JARID2: variants seen among roughly 807,000 people sequenced by gnomAD.
JARID2 encodes the protein protein Jumonji.
A neutral mutation model predicts 125.6 loss-of-function variants in JARID2; 21 were observed. That is an observed-to-expected ratio of 0.17 (90% CI 0.12 to 0.24). The LOEUF (loss-of-function observed/expected upper bound fraction) is 0.24. JARID2 is among the 10% of genes least tolerant of loss of function. The pLI, the probability that JARID2 is intolerant of heterozygous loss-of-function variation, is 1.00. For missense variants in JARID2, 1,303 were observed against 1,639.6 expected, an observed-to-expected ratio of 0.79 and a Z score of 3.55; for synonymous variants, 736 against 661.6, an observed-to-expected ratio of 1.11 and a Z score of -1.73.
At chr6:15,396,091 G>A (rs965120854) in intron 2 of JARID2, among the ~76,000 whole-genome samples, 7 of 152,196 alleles carry the variant, frequency 4.6e-5, no homozygotes, top group African/African-American at 1.7e-4. Flanking sequence ...GAAAAAGGTT[G>A]ATCATGTTGT....
intron 1 of JARID2, among the ~76,000 whole-genome samples, chr6:15,261,203 A>G (rs1367195067): frequency 6.6e-6 from 1 of 152,172 alleles, no homozygotes; most frequent in Non-Finnish European, 1.5e-5. Context: ...AGGTCATCCC[A>G]ATAAAGAAAG....
In JARID2 at chr6:15,246,222, G is replaced by A. The variant is rs778838387; in HGVS notation, c.-318G>A. 5.7e-5 allele frequency: 27 copies of A among 471,736 alleles called. No individual in the cohort carries two copies. The highest frequency in any genetic ancestry group is 9.3e-5 in the Non-Finnish European group (25 of 269,868). 29.2% of individuals were successfully genotyped at this position (471,736 alleles called of 1,614,324 possible). A position where few individuals can be genotyped will look rare whatever the true frequency, so the allele number is the denominator to read the frequency against. On this transcript the variant is annotated 5_prime_UTR_variant, in exon 1 of 18. Coordinates refer to ENST00000341776, the MANE Select transcript of JARID2 (RefSeq NM_004973.4). ...TGATGTAGTTTTTGGAGGAAAAAGG[G>A]GGGGGAGTGAAGGGCGTCGGTTTTT...
chr6:15,460,505 T>C (rs1693697413), intron 4 of JARID2, among the ~76,000 whole-genome samples: 1 of 152,234 alleles, frequency 6.6e-6, no homozygotes, highest in Non-Finnish European at 1.5e-5. Context: ...ATGGCAGTGC[T>C]GTTTTGTTGG....
chr6:15,248,854 T>TGGGCGG (rs1279787085), intron 1 of JARID2: 107 of 887,598 alleles, frequency 1.2e-4, no homozygotes, highest in Admixed American at 2.0e-4. Flanking sequence ...AGGAGGGAGC[T>TGGGCGG]GGGCGGGGGC....
intron 1 of JARID2, chr6:15,324,222 T>TTTTTTGTA (rs1762458146): frequency 6.6e-6 from 1 of 152,084 alleles, no homozygotes; most frequent in Non-Finnish European, 1.5e-5. Flanking sequence ...AAAATCCTTT[T>TTTTTTGTA]TGATTTGTAT....
At chr6:15,504,829 C>T (rs548746300) in intron 9 of JARID2, among the ~76,000 whole-genome samples, 9 of 152,286 alleles carry the variant, frequency 5.9e-5, no homozygotes, top group African/African-American at 2.2e-4. Context: ...CTGCCGAGTG[C>T]AGGGGACGGG....
intron 3 of JARID2, among the ~76,000 whole-genome samples, chr6:15,423,062 C>T (rs535421846): frequency 5.4e-5 from 8 of 149,232 alleles, no homozygotes; most frequent in African/African-American, 1.5e-4. Context: ...TGCAGTGTTA[C>T]GATATCGGCA....
intron 4 of JARID2, among the ~76,000 whole-genome samples, chr6:15,465,280 C>CT (rs1768662908): frequency 1.3e-5 from 2 of 152,122 alleles, no homozygotes; most frequent in African/African-American, 4.8e-5. Context: ...TAGCGAGATC[C>CT]CGTTCCTACA....
chr6:15,282,925 C>G (rs1223718099), intron 1 of JARID2, among the ~76,000 whole-genome samples: 2 of 150,954 alleles, frequency 1.3e-5, no homozygotes, highest in Admixed American at 1.3e-4. Flanking sequence ...TTTCTTATGA[C>G]TTTTTGTCAG....
At chr6:15,254,821 C>G (rs1430183153) in intron 1 of JARID2, among the ~76,000 whole-genome samples, 5 of 152,076 alleles carry the variant, frequency 3.3e-5, no homozygotes, top group Non-Finnish European at 7.4e-5. Context: ...GAGCGGATCA[C>G]TTCAGGTCAG....
chr6:15,460,731 C>T (rs1243439280), intron 4 of JARID2, among the ~76,000 whole-genome samples: 2 of 152,218 alleles, frequency 1.3e-5, no homozygotes, highest in South Asian at 2.1e-4. Flanking sequence ...GACGAAGTCT[C>T]CCACCCTGTG....
rs549055979 is a variant in JARID2, at chr6:15,330,858, T to G, written c.46-43259T>G. ...TCCTTCCATTCTTCACTTTCCTGTC[T>G]TGGGGAGACAGAATACTTCAAAGTA... On this transcript the variant is annotated intron_variant, in intron 1 of 17. Coordinates refer to ENST00000341776, the MANE Select transcript of JARID2 (RefSeq NM_004973.4). Among the ~76,000 whole-genome samples, 5 of 152,312 alleles carry G rather than the reference T, an allele frequency of 3.3e-5. No homozygotes were observed. In the South Asian group the frequency reaches 8.3e-4, roughly 25 times the overall value.
At chr6:15,331,685 G>A (rs906378694) in intron 1 of JARID2, among the ~76,000 whole-genome samples, 22 of 152,170 alleles carry the variant, frequency 1.4e-4, no homozygotes, top group Non-Finnish European at 2.9e-4. Flanking sequence ...GACCAACATG[G>A]AGAAACCCCG....
In JARID2 at chr6:15,410,372, A is replaced by T; in HGVS notation, c.323+7A>T. 6.2e-7 allele frequency: 1 copy of T among 1,613,094 alleles called. No homozygotes were observed. Among genetic ancestry groups the T allele is most frequent in the South Asian group, 1.1e-5 (1 of 91,054 alleles). On this transcript the variant is annotated splice_region_variant and intron_variant, in intron 3 of 17. Coordinates refer to ENST00000341776, the MANE Select transcript of JARID2 (RefSeq NM_004973.4). Reference sequence around the variant, plus strand: ...AAGGGCCGTCGAGGAAAAGGTTAGTACCCAAGGCTGAAAATATTGGTACCT... The same window carrying T: ...AAGGGCCGTCGAGGAAAAGGTTAGTTCCCAAGGCTGAAAATATTGGTACCT...
chr6:15,389,034 T>G (rs1764901847), intron 2 of JARID2, among the ~76,000 whole-genome samples: 1 of 152,192 alleles, frequency 6.6e-6, no homozygotes, highest in Non-Finnish European at 1.5e-5. Context: ...CCAGGCTAGC[T>G]TCTGGTGGTC....
At chr6:15,325,126 T>C (rs1762495769) in intron 1 of JARID2, among the ~76,000 whole-genome samples, 1 of 152,204 alleles carries the variant, frequency 6.6e-6, no homozygotes, top group African/African-American at 2.4e-5. Flanking sequence ...CTTTACTTCC[T>C]CTTCAAACAT....
At chr6:15,410,077 A>T in intron 2 of JARID2, 147 bp from the exon 3 acceptor site, 1 of 637,904 alleles carries the variant, frequency 1.6e-6, no homozygotes, top group Non-Finnish European at 2.5e-6. Context: ...GCTTTTCTCC[A>T]CCCATTCAAA....
intron 12 of JARID2, chr6:15,508,979 A>G (rs1173772591): frequency 2.3e-6 from 3 of 1,289,374 alleles, no homozygotes; most frequent in Admixed American, 4.6e-5. Context: ...CTGTAGAGCC[A>G]GTGTTTCCTC....
intron 12 of JARID2, among the ~76,000 whole-genome samples, chr6:15,509,555 TG>T (rs60924565): frequency 0.19 from 28,711 of 152,234 alleles, 2,933 homozygotes; most frequent in Non-Finnish European, 0.23. Context: ...GGCTGTTGCC[TG>T]TGGAGCGGGG....
Sources: allele counts gnomAD v4.1 joint callset (sites outside exome capture counted in the v4.1 genomes callset), GRCh38; gene constraint gnomAD v4.1.1; transcripts MANE v1.5; gene names NCBI Gene and HGNC (gene_info 2026-07-23, HGNC 2026-07-21).